Variants in ARID5B observed in about 807,000 individuals in gnomAD.
ARID5B encodes the protein AT-rich interaction domain 5B, also known as AT-rich interactive domain-containing protein 5B.
In ARID5B, 13 loss-of-function variants were observed where a neutral mutation model predicts 97.2. The observed-to-expected ratio is 0.13, with a 90% CI of 0.09 to 0.21. The LOEUF is 0.21. Among genes scored for constraint, ARID5B ranks in the 10% least tolerant of loss-of-function variants. The pLI is 1.00. For synonymous variants in ARID5B, 556 were observed against 570.3 expected (o/e 0.97, Z 0.36); for missense variants, 1,210 against 1,465.3 (o/e 0.83, Z 2.84).
At chr10:61,939,009 G>T (rs1235749048) in intron 2 of ARID5B, among the ~76,000 whole-genome samples, 1 of 149,780 alleles carries the variant, frequency 6.7e-6, no homozygotes, top group Non-Finnish European at 1.5e-5. Flanking sequence ...GTGTGTCGGT[G>T]GGGCAGGGGG....
At chr10:61,935,288 C>A (rs1434043326) in intron 2 of ARID5B, among the ~76,000 whole-genome samples, 3 of 152,030 alleles carry the variant, frequency 2.0e-5, no homozygotes, top group African/African-American at 7.3e-5. Context: ...TTTGTAATCA[C>A]CAAAATTGAA....
intron 2 of ARID5B, among the ~76,000 whole-genome samples, chr10:61,906,775 G>A (rs1172051854): frequency 6.6e-6 from 1 of 152,184 alleles, no homozygotes; most frequent in Non-Finnish European, 1.5e-5. Flanking sequence ...GGGTCCAGGA[G>A]TCTGAATTTT....
intron 4 of ARID5B, among the ~76,000 whole-genome samples, chr10:62,005,963 G>A (rs184562961): frequency 6.6e-6 from 1 of 152,308 alleles, no homozygotes; most frequent in African/African-American, 2.4e-5. Context: ...CTGCCTGCCT[G>A]TGGTGCCCAC....
chr10:62,072,341 A>C (rs1217453436), intron 8 of ARID5B, among the ~76,000 whole-genome samples: 1 of 152,224 alleles, frequency 6.6e-6, no homozygotes, highest in Non-Finnish European at 1.5e-5. Flanking sequence ...ACTTATGTGA[A>C]CAAGTGAAAT....
chr10:61,962,273 G>A (rs936464635), intron 3 of ARID5B, among the ~76,000 whole-genome samples: 17 of 152,224 alleles, frequency 1.1e-4, no homozygotes, highest in Non-Finnish European at 2.1e-4. Context: ...GCTTAAGCTA[G>A]ATAAAAGGAA....
intron 3 of ARID5B, among the ~76,000 whole-genome samples, chr10:61,983,463 A>G (rs1838804264): frequency 6.6e-6 from 1 of 152,192 alleles, no homozygotes; most frequent in South Asian, 2.1e-4. Context: ...TGTTGAAATC[A>G]TCTTGATTGT....
In ARID5B at chr10:62,092,539, A is replaced by C. The variant is rs752506951; in HGVS notation, c.3076A>C (p.Lys1026Gln). The C allele has an allele frequency of 6.2e-7, 1 of 1,613,940 alleles. No individual in the cohort carries two copies. Residue 1026 changes from lysine (K) to glutamine (Q), a missense_variant, in exon 10 of 10, where the codon AAA becomes CAA. Transcript: ENST00000279873. ...GGATTTGGACCTTGTGATTGCAGGG[A>C]AAAAGGCCCGGGCAGTGTCTCCCTT... ...LEDLDLVIAG[K>Q]KARAVSPLDP... is the part of the protein sequence containing the mutation.
intron 2 of ARID5B, among the ~76,000 whole-genome samples, chr10:61,934,578 G>A (rs1844265554): frequency 6.6e-6 from 1 of 152,164 alleles, no homozygotes; most frequent in Non-Finnish European, 1.5e-5. Flanking sequence ...TATGGAATAG[G>A]TAGGCAGGAG....
chr10:62,079,680 T>G (rs1445641631), intron 8 of ARID5B, among the ~76,000 whole-genome samples: 1 of 152,116 alleles, frequency 6.6e-6, no homozygotes, highest in Non-Finnish European at 1.5e-5. Context: ...TTCTTTCTTC[T>G]CTTCATTTAG....
In ARID5B at chr10:62,048,723, T is replaced by A. The variant is rs565628014; in HGVS notation, c.734-2165T>A. Among the ~76,000 whole-genome samples, 26 of 152,310 alleles carry A rather than the reference T, an allele frequency of 1.7e-4. No individual in the cohort carries two copies. In the South Asian group the frequency reaches 5.4e-3, roughly 32 times the overall value. The stretch of plus-strand genomic sequence containing the variant: ...TGTCAGTTCCCGGAACCTTTGCCTT[T>A]ATTTAAAAACAGCATGTTCGATGCA... On this transcript the variant is annotated intron_variant, in intron 4 of 9. Transcript: ENST00000279873.
At chr10:61,967,400 G>C (rs1414433066) in intron 3 of ARID5B, among the ~76,000 whole-genome samples, 7 of 152,178 alleles carry the variant, frequency 4.6e-5, no homozygotes, top group Non-Finnish European at 1.0e-4. Flanking sequence ...TTGATCCATT[G>C]GCCGTTAGTG....
intron 3 of ARID5B, among the ~76,000 whole-genome samples, chr10:61,989,121 G>A (rs1453462796): frequency 6.6e-6 from 1 of 151,614 alleles, no homozygotes; most frequent in Non-Finnish European, 1.5e-5. Flanking sequence ...AGTAGAGACG[G>A]GGTTTCGCTG....
chr10:62,008,061 AACAC>A (rs369982502), intron 4 of ARID5B, among the ~76,000 whole-genome samples: 1,398 of 66,534 alleles, frequency 0.021, 32 homozygotes, highest in African/African-American at 0.061. Context: ...CCCGCCCCAC[AACAC>A]ACACACACAC....
chr10:61,924,364 A>G (rs1844066879), intron 2 of ARID5B, among the ~76,000 whole-genome samples: 1 of 152,218 alleles, frequency 6.6e-6, no homozygotes, highest in Admixed American at 6.5e-5. Context: ...AAAACACTCA[A>G]TATTTTTCCA....
At chr10:62,049,229 C>G in intron 4 of ARID5B, 1 of 1,363,782 alleles carries the variant, frequency 7.3e-7, no homozygotes, top group South Asian at 1.6e-5. Context: ...CCCTGCCAGT[C>G]TGGCAACTCC....
intron 7 of ARID5B, among the ~76,000 whole-genome samples, chr10:62,059,709 A>G (rs1056549467): frequency 6.6e-6 from 1 of 152,190 alleles, no homozygotes; most frequent in Non-Finnish European, 1.5e-5. Context: ...CCATTAAGGA[A>G]TAGAATGCAG....
chr10:61,975,414 G>T (rs1464041781), intron 3 of ARID5B, among the ~76,000 whole-genome samples: 2 of 152,204 alleles, frequency 1.3e-5, no homozygotes, highest in African/African-American at 4.8e-5. Flanking sequence ...GAGTAGCTCA[G>T]TGGGTAATGT....
rs184419488 is a variant in ARID5B, at chr10:61,978,406, G to T, written c.503-21685G>T. Among the ~76,000 whole-genome samples the T allele has an allele frequency of 1.3e-3, 193 of 152,288 alleles. 3 individuals are homozygous for T. The East Asian group carries it at 0.033, about 26-fold the overall frequency. On this transcript the variant is annotated intron_variant, in intron 3 of 9. Transcript: ENST00000279873. ...TTCCAATTCTGTGAAGAAGGTCATT[G>T]GTAGCTTGATGAGAATGGCATTGAA...
chr10:61,980,697 C>A (rs1838765259), intron 3 of ARID5B, among the ~76,000 whole-genome samples: 1 of 152,156 alleles, frequency 6.6e-6, no homozygotes, highest in African/African-American at 2.4e-5. Flanking sequence ...TGTTGCTGTG[C>A]TCAGTAAATA....
Sources: gnomAD v4.1 joint callset for allele counts (sites outside exome capture counted in the v4.1 genomes callset) on GRCh38, gnomAD v4.1.1 for gene constraint, MANE v1.5 for transcripts, NCBI Gene and HGNC (gene_info 2026-07-23, HGNC 2026-07-21) for gene names.